Variants in EPHX1 observed in about 807,000 individuals in gnomAD.
The protein encoded by EPHX1 is epoxide hydratase.
A neutral mutation model predicts 43.2 loss-of-function variants in EPHX1; 40 were observed. The observed-to-expected ratio is 0.93, with a 90% CI of 0.72 to 1.21. The LOEUF is 1.21. EPHX1 is among the 50% of genes most tolerant of loss of function. The pLI is 0.00. For missense variants in EPHX1, 550 were observed against 570.4 expected, an observed-to-expected ratio of 0.96 and a Z score of 0.36; for synonymous variants, 221 against 226.7, an observed-to-expected ratio of 0.98 and a Z score of 0.22.
chr1:225,820,612 A>G (rs552679437), intron 1 of EPHX1, among the ~76,000 whole-genome samples: 1 of 152,232 alleles, frequency 6.6e-6, no homozygotes, highest in South Asian at 2.1e-4. Flanking sequence ...TTTTTCATTC[A>G]TGCCATGCGC....
chr1:225,810,601 C>T (rs1448666393), intron 1 of EPHX1: 12 of 152,484 alleles, frequency 7.9e-5, no homozygotes, highest in African/African-American at 2.7e-4. Flanking sequence ...GAAGAGACCA[C>T]CAAACAGGCT....
intron 3 of EPHX1, among the ~76,000 whole-genome samples, chr1:225,835,925 T>C (rs569434357): frequency 6.6e-6 from 1 of 152,226 alleles, no homozygotes; most frequent in Non-Finnish European, 1.5e-5. Context: ...ATTGAATTCA[T>C]CGTGGACTTA....
intron 1 of EPHX1, among the ~76,000 whole-genome samples, chr1:225,812,407 T>A (rs2102672672): frequency 6.6e-6 from 1 of 152,334 alleles, no homozygotes; most frequent in South Asian, 2.1e-4. Flanking sequence ...GCTGGGAACA[T>A]CTTCAGGAAG....
At chr1:225,840,903 T>C (rs1668344311) in intron 6 of EPHX1, 1 of 152,230 alleles carries the variant, frequency 6.6e-6, no homozygotes, top group Admixed American at 6.5e-5. Context: ...AATGGCACTT[T>C]ATAAAAGTCA....
chr1:225,832,237 T>C, intron 3 of EPHX1: 1 of 435,498 alleles, frequency 2.3e-6, no homozygotes, highest in Non-Finnish European at 4.3e-6. Context: ...AGAGGAAGGA[T>C]GGAGATGAGA....
At chr1:225,818,488 A>G (rs980493507) in intron 1 of EPHX1, among the ~76,000 whole-genome samples, 5 of 152,194 alleles carry the variant, frequency 3.3e-5, no homozygotes, top group Non-Finnish European at 5.9e-5. Flanking sequence ...AAAGGTGGAT[A>G]GAAGTTAGGG....
At chr1:225,843,596 C>T (rs1313578137) in intron 7 of EPHX1, among the ~76,000 whole-genome samples, 2 of 152,166 alleles carry the variant, frequency 1.3e-5, no homozygotes, top group East Asian at 3.9e-4. Context: ...ATGTGAGGCC[C>T]CACCAGACTA....
At chr1:225,812,373 C>T (rs1488721588) in intron 1 of EPHX1, among the ~76,000 whole-genome samples, 2 of 152,222 alleles carry the variant, frequency 1.3e-5, no homozygotes, top group African/African-American at 4.8e-5. Context: ...GCCTGAAGCA[C>T]ACTAGCTGGC....
At chr1:225,820,341 G>A (rs530071350) in intron 1 of EPHX1, among the ~76,000 whole-genome samples, 1 of 152,018 alleles carries the variant, frequency 6.6e-6, no homozygotes, top group Non-Finnish European at 1.5e-5. Flanking sequence ...TGCCCACCTT[G>A]GCCTCCAAAG....
intron 1 of EPHX1, among the ~76,000 whole-genome samples, chr1:225,814,811 C>T (rs1376111026): frequency 6.6e-5 from 10 of 152,206 alleles, no homozygotes; most frequent in African/African-American, 4.8e-5. Flanking sequence ...GGTGACTTTC[C>T]GGTCCTACAA....
At position 225,821,734 on chromosome 1, in the gene EPHX1, T is replaced by A. The variant is rs1327832196; in HGVS notation, c.-5-6991T>A. 2.0e-5 allele frequency among the ~76,000 whole-genome samples: 3 copies of A among 151,398 alleles called. 1 individual carries two copies. The East Asian group carries it at 5.8e-4, about 29-fold the overall frequency. ...CACCACCATGCCTGGCTAATTTTTT[T>A]TTATTATTTGTGGAGATGGGGTTTT... On this transcript the variant is annotated intron_variant, in intron 1 of 8. Coordinates refer to ENST00000272167, the MANE Select transcript of EPHX1 (RefSeq NM_001136018.4).
At chr1:225,830,810 T>C (rs532298215) in intron 2 of EPHX1, among the ~76,000 whole-genome samples, 65 of 152,280 alleles carry the variant, frequency 4.3e-4, no homozygotes, top group Non-Finnish European at 7.4e-4. Context: ...TATCATTCAA[T>C]GTTGTATATC....
chr1:225,816,814 C>G (rs1422568331), intron 1 of EPHX1, among the ~76,000 whole-genome samples: 1 of 152,176 alleles, frequency 6.6e-6, no homozygotes, highest in Non-Finnish European at 1.5e-5. Flanking sequence ...CCTAACTGCC[C>G]GCGGGCTGGC....
At chr1:225,839,733 C>T (rs1668233610) in intron 5 of EPHX1, 96 bp from the exon 6 acceptor site, 1 of 1,327,818 alleles carries the variant, frequency 7.5e-7, no homozygotes, top group East Asian at 2.3e-5. Context: ...TCTGTGCTCG[C>T]TCCTCAGCCC....
chr1:225,841,676 A>C (rs1160289145), intron 6 of EPHX1, among the ~76,000 whole-genome samples: 2 of 138,470 alleles, frequency 1.4e-5, no homozygotes, highest in Non-Finnish European at 3.0e-5. Flanking sequence ...ATCTCGGCTC[A>C]CTGCAACCTC....
intron 3 of EPHX1, among the ~76,000 whole-genome samples, chr1:225,834,117 A>G (rs1372938017): frequency 6.8e-6 from 1 of 147,348 alleles, no homozygotes; most frequent in African/African-American, 2.5e-5. Flanking sequence ...AAAAAGAAAA[A>G]AAAAAAAAGC....
chr1:225,845,335 G>A lies in EPHX1; in HGVS notation c.1356G>A (p.Leu452=), dbSNP rs1487288508. 1 of 1,610,318 alleles carries A rather than the reference G, an allele frequency of 6.2e-7. No homozygotes were observed. The highest frequency in any genetic ancestry group is 8.5e-7 in the Non-Finnish European group (1 of 1,179,782). ...AQDIRKFLSV[L]ERQ ...ACATCCGCAAGTTCCTGTCGGTGCT[G>A]GAGCGGCAATGACCCACCCCTCTCC... Residue 452 remains leucine (L), a synonymous_variant, in exon 9 of 9, where the codon CTG becomes CTA. Transcript: ENST00000272167.
rs368412064 is a variant in EPHX1 at position 225,828,715 on chromosome 1, C to T, written c.-5-10C>T. ...GGCTCCGTTGTTAATGGCTTCCCCT[C>T]ATCTTGCAGGAGCCATGTGGCTAGA... On this transcript the variant is annotated splice_polypyrimidine_tract_variant and intron_variant, in intron 1 of 8. Transcript: ENST00000272167. The T allele has an allele frequency of 8.5e-5, 137 of 1,610,640 alleles. 1 individual carries two copies. The highest frequency in any genetic ancestry group is 1.1e-4 in the Non-Finnish European group (130 of 1,179,092).
intron 8 of EPHX1, 48 bp downstream of exon 8, chr1:225,844,671 G>C (rs374759564): frequency 7.9e-5 from 128 of 1,610,436 alleles, no homozygotes; most frequent in Non-Finnish European, 1.1e-4. Flanking sequence ...CTGGAGGCAG[G>C]GGGACGGCCA....
Sources: allele counts gnomAD v4.1 joint callset (sites outside exome capture counted in the v4.1 genomes callset), GRCh38; gene constraint gnomAD v4.1.1; transcripts MANE v1.5; gene names NCBI Gene and HGNC (gene_info 2026-07-23, HGNC 2026-07-21).